KCTD16: variants seen among roughly 807,000 people sequenced by gnomAD.
The protein encoded by KCTD16 is potassium channel tetramerization domain containing 16.
Under a neutral mutation model 33.2 loss-of-function variants are expected in KCTD16, and 13 were observed. The ratio of observed to expected loss-of-function variants is 0.39; its 90% CI spans 0.25 to 0.62. The LOEUF (loss-of-function observed/expected upper bound fraction) is 0.62, where lower values mean the gene tolerates loss of function less well. Among genes scored for constraint, KCTD16 ranks in the 20% least tolerant of loss-of-function variants. KCTD16 has a pLI of 0.50. For missense variants in KCTD16, 441 were observed against 525.1 expected (o/e 0.84, Z 1.57); for synonymous variants, 197 against 195.3 (o/e 1.01, Z -0.07).
chr5:144,370,111 T>C (rs956168287), intron 3 of KCTD16, among the ~76,000 whole-genome samples: 1 of 152,114 alleles, frequency 6.6e-6, no homozygotes, highest in African/African-American at 2.4e-5. Context: ...TCTGCTTTAA[T>C]GTGACTTCTC....
intron 3 of KCTD16, among the ~76,000 whole-genome samples, chr5:144,232,557 A>G (rs1272705840): frequency 6.6e-6 from 1 of 152,218 alleles, no homozygotes; most frequent in Non-Finnish European, 1.5e-5. Context: ...CCAGAAGGCC[A>G]AGCTATCAAA....
intron 3 of KCTD16, among the ~76,000 whole-genome samples, chr5:144,241,262 C>T (rs780315386): frequency 2.0e-5 from 3 of 152,104 alleles, no homozygotes; most frequent in Non-Finnish European, 1.5e-5. Context: ...TGACTTTACT[C>T]ATGTTCTCAA....
intron 3 of KCTD16, among the ~76,000 whole-genome samples, chr5:144,322,603 GC>G (rs1752102665): frequency 6.6e-6 from 1 of 151,930 alleles, no homozygotes. Flanking sequence ...ATCTAGCCAT[GC>G]CTGACATCAC....
chr5:144,233,436 T>C (rs1754163137), intron 3 of KCTD16, among the ~76,000 whole-genome samples: 1 of 152,142 alleles, frequency 6.6e-6, no homozygotes, highest in Non-Finnish European at 1.5e-5. Context: ...TAAGGAATCT[T>C]AACTGCCGGA....
intron 3 of KCTD16, among the ~76,000 whole-genome samples, chr5:144,237,617 C>G (rs1754289667): frequency 6.6e-6 from 1 of 152,074 alleles, no homozygotes; most frequent in South Asian, 2.1e-4. Flanking sequence ...AAATCTATTA[C>G]ATTTGCTTTC....
At chr5:144,458,117 CA>C (rs1316561783) in intron 3 of KCTD16, among the ~76,000 whole-genome samples, 2 of 152,156 alleles carry the variant, frequency 1.3e-5, no homozygotes, top group Non-Finnish European at 2.9e-5. Context: ...GAACTGGTAA[CA>C]ATGACAAATT....
intron 3 of KCTD16, among the ~76,000 whole-genome samples, chr5:144,305,305 T>C (rs1043437047): frequency 1.3e-5 from 2 of 152,114 alleles, no homozygotes; most frequent in African/African-American, 2.4e-5. Flanking sequence ...AGCTGCAGAG[T>C]GTCCATCTAA....
intron 3 of KCTD16, among the ~76,000 whole-genome samples, chr5:144,342,801 T>A (rs1036150861): frequency 6.6e-6 from 1 of 152,196 alleles, no homozygotes; most frequent in African/African-American, 2.4e-5. Flanking sequence ...GCTGTTGAAT[T>A]TTGTCGAAGG....
chr5:144,411,843 TAA>T (rs201937356), intron 3 of KCTD16, among the ~76,000 whole-genome samples: 1 of 150,380 alleles, frequency 6.6e-6, no homozygotes, highest in East Asian at 1.9e-4. Context: ...ATAGCAAAAA[TAA>T]AAAAAAATTG....
At chr5:144,413,795 C>T (rs1416660734) in intron 3 of KCTD16, among the ~76,000 whole-genome samples, 1 of 152,178 alleles carries the variant, frequency 6.6e-6, no homozygotes, top group Non-Finnish European at 1.5e-5. Context: ...TTACAAAAAT[C>T]TCTGAGTACT....
At chr5:144,217,676 T>G (rs1176630429) in intron 3 of KCTD16, among the ~76,000 whole-genome samples, 1 of 152,178 alleles carries the variant, frequency 6.6e-6, no homozygotes, top group South Asian at 2.1e-4. Flanking sequence ...GAAAATGTCA[T>G]ATCTGTATGC....
chr5:144,432,343 C>G (rs944309682), intron 3 of KCTD16, among the ~76,000 whole-genome samples: 1 of 151,990 alleles, frequency 6.6e-6, no homozygotes, highest in African/African-American at 2.4e-5. Context: ...TCACTACAAC[C>G]CTTTAAGAAA....
chr5:144,186,135 C>T lies in KCTD16; in HGVS notation c.-327+11663C>T, dbSNP rs180838759. 2.0e-5 allele frequency among the ~76,000 whole-genome samples: 3 copies of T among 152,232 alleles called. No homozygotes were observed. In the East Asian group the frequency reaches 5.8e-4, roughly 29 times the overall value. On this transcript the variant is annotated intron_variant, in intron 2 of 3. Coordinates refer to ENST00000512467, the MANE Select transcript of KCTD16 (RefSeq NM_020768.4). ...ATCATTCATATCATAAGGTAGCTTA[C>T]TTGTCACATATGGAAACTGTGGCCC... is the stretch of plus-strand genomic sequence containing the variant.
rs139920765 is a variant in KCTD16, at chr5:144,473,737, G to A, written c.910G>A (p.Gly304Ser). 7 of 1,613,326 alleles carry A rather than the reference G, an allele frequency of 4.3e-6. No homozygotes were observed. Among genetic ancestry groups the A allele is most frequent in the Non-Finnish European group, 5.9e-6 (7 of 1,179,450 alleles). Residue 304 changes from glycine (G) to serine (S), a missense_variant, in exon 4 of 4, where the codon GGC becomes AGC. Gly to Ser is a moderately conservative substitution (Grantham distance 56). This residue lies in a region of KCTD16 where 355 missense variants were observed against 413.0 expected (regional missense o/e 0.86). Coordinates refer to ENST00000512467, the MANE Select transcript of KCTD16 (RefSeq NM_020768.4). ...NGKGDKEGESGTSCNDLSTSS... is the reference protein window; with the variant it reads ...NGKGDKEGESSTSCNDLSTSS... ...CAAAGGTGACAAAGAAGGGGAGAGC[G>A]GCACGTCTTGCAATGACCTCTCCAC...
At chr5:144,398,090 A>T (rs1020615216) in intron 3 of KCTD16, among the ~76,000 whole-genome samples, 17 of 152,148 alleles carry the variant, frequency 1.1e-4, no homozygotes, top group African/African-American at 4.1e-4. Flanking sequence ...TGGATTGATT[A>T]TTTTGTGTTT....
chr5:144,265,001 ACT>A (rs1350600036), intron 3 of KCTD16, among the ~76,000 whole-genome samples: 2 of 152,192 alleles, frequency 1.3e-5, no homozygotes, highest in Non-Finnish European at 2.9e-5. Flanking sequence ...TGGCATTTAA[ACT>A]CTTGCCAGAG....
At chr5:144,367,656 C>T (rs1450032901) in intron 3 of KCTD16, among the ~76,000 whole-genome samples, 2 of 151,926 alleles carry the variant, frequency 1.3e-5, no homozygotes, top group East Asian at 3.9e-4. Flanking sequence ...TCCCCCCATA[C>T]TCTAGAATTG....
At chr5:144,342,818 C>A (rs1269108726) in intron 3 of KCTD16, among the ~76,000 whole-genome samples, 1 of 152,166 alleles carries the variant, frequency 6.6e-6, no homozygotes, top group East Asian at 1.9e-4. Context: ...AAGGTCTTTT[C>A]TGCATCTATT....
intron 3 of KCTD16, among the ~76,000 whole-genome samples, chr5:144,228,600 AAG>A (rs1044386430): frequency 1.3e-4 from 20 of 152,344 alleles, no homozygotes; most frequent in African/African-American, 4.1e-4. Context: ...GTGAGAGAAA[AAG>A]AGAATTTTTT....
Sources: gnomAD v4.1 joint callset for allele counts (sites outside exome capture counted in the v4.1 genomes callset) on GRCh38, gnomAD v4.1.1 for gene constraint, gnomAD v4.1.1 regional missense constraint, MANE v1.5 for transcripts, NCBI Gene and HGNC (gene_info 2026-07-23, HGNC 2026-07-21) for gene names.